The following CHIC1 variants were observed in gnomAD, a reference collection of about 807,000 sequenced individuals.
CHIC1 encodes cysteine-rich hydrophobic domain-containing protein 1.
Under a neutral mutation model 18.5 loss-of-function variants are expected in CHIC1, and 7 were observed. The observed-to-expected ratio is 0.38, with a 90% CI of 0.22 to 0.71. The LOEUF is 0.71. Among genes scored for constraint, CHIC1 ranks in the 30% least tolerant of loss-of-function variants. The pLI is 0.49. For missense variants in CHIC1, 159 were observed against 176.9 expected (o/e 0.90, Z 0.57); for synonymous variants, 77 against 73.5 (o/e 1.05, Z -0.25).
intron 3 of CHIC1, among the ~76,000 whole-genome samples, chrX:73,671,303 T>C (rs1464377902): frequency 1.8e-5 from 2 of 112,067 alleles, no homozygotes; most frequent in Non-Finnish European, 3.8e-5. Flanking sequence ...TTTGGAGTCT[T>C]TGAGCTTTCT....
At chrX:73,653,902 T>C (rs2057929992) in intron 3 of CHIC1, among the ~76,000 whole-genome samples, 1 of 112,696 alleles carries the variant, frequency 8.9e-6, no homozygotes, top group Non-Finnish European at 1.9e-5. Flanking sequence ...CATGTGTTGA[T>C]TTTGCATCCT....
At chrX:73,662,230 T>G (rs751252268) in intron 3 of CHIC1, among the ~76,000 whole-genome samples, 1 of 109,072 alleles carries the variant, frequency 9.2e-6, no homozygotes, top group Admixed American at 9.9e-5. Flanking sequence ...TTAAAGGAAT[T>G]CTGATGACAT....
At chrX:73,643,976 G>T (rs189604196) in intron 3 of CHIC1, among the ~76,000 whole-genome samples, 42 of 111,842 alleles carry the variant, frequency 3.8e-4, no homozygotes, top group African/African-American at 1.3e-3. Context: ...TTTCTGCTCT[G>T]TTTTTTCCCC....
At chrX:73,662,370 G>T (rs1411950061) in intron 3 of CHIC1, among the ~76,000 whole-genome samples, 1 of 106,539 alleles carries the variant, frequency 9.4e-6, no homozygotes, top group African/African-American at 3.4e-5. Context: ...AGAAAGCTCA[G>T]CCCTGGGGGC....
At chrX:73,597,841 A>G (rs1186771494) in intron 3 of CHIC1, among the ~76,000 whole-genome samples, 4 of 108,675 alleles carry the variant, frequency 3.7e-5, no homozygotes, top group African/African-American at 1.0e-4. Context: ...TCATTGTTCA[A>G]CTCCCATTTA....
intron 3 of CHIC1, among the ~76,000 whole-genome samples, chrX:73,628,725 G>A (rs1482266698): frequency 9.0e-6 from 1 of 111,123 alleles, no homozygotes; most frequent in Non-Finnish European, 1.9e-5. Flanking sequence ...GCCTCTTTCA[G>A]TGATATGAAG....
At chrX:73,667,272 C>T (rs372684103) in intron 3 of CHIC1, among the ~76,000 whole-genome samples, 29 of 112,046 alleles carry the variant, frequency 2.6e-4, no homozygotes, top group African/African-American at 9.1e-4. Context: ...CTTTTGAAGA[C>T]ACCATACCAA....
At chrX:73,568,683 C>T (rs1020406082) in intron 1 of CHIC1, among the ~76,000 whole-genome samples, 1 of 111,121 alleles carries the variant, frequency 9.0e-6, no homozygotes, top group Non-Finnish European at 1.9e-5. Context: ...TAGATGTTTA[C>T]CATTGATATT....
chrX:73,636,945 T>C (rs931194510), intron 3 of CHIC1, among the ~76,000 whole-genome samples: 2 of 111,753 alleles, frequency 1.8e-5, no homozygotes, highest in Non-Finnish European at 3.8e-5. Context: ...TACAATATAA[T>C]AATAATGATG....
chrX:73,632,914 G>A (rs1268858295), intron 3 of CHIC1, among the ~76,000 whole-genome samples: 1 of 106,709 alleles, frequency 9.4e-6, no homozygotes, highest in African/African-American at 3.4e-5. Context: ...GACTACAGGC[G>A]CCCACCACCA....
intron 1 of CHIC1, among the ~76,000 whole-genome samples, chrX:73,564,724 G>T (rs1467087790): frequency 9.4e-6 from 1 of 106,193 alleles, no homozygotes; most frequent in African/African-American, 3.5e-5. Context: ...TTTCAATTGA[G>T]TTCATGTTAC....
intron 3 of CHIC1, among the ~76,000 whole-genome samples, chrX:73,665,614 A>AGCAG (rs1285069759): frequency 9.0e-6 from 1 of 111,251 alleles, no homozygotes; most frequent in African/African-American, 3.3e-5. Context: ...GCAAACCCCA[A>AGCAG]GCAGGCACCA....
At chrX:73,615,063 G>A (rs984817274) in intron 3 of CHIC1, among the ~76,000 whole-genome samples, 1 of 111,333 alleles carries the variant, frequency 9.0e-6, no homozygotes, top group Non-Finnish European at 1.9e-5. Context: ...TTTTTATGGT[G>A]TTGGTTGGGT....
chrX:73,571,288 G>A (rs2057469679), intron 1 of CHIC1, among the ~76,000 whole-genome samples: 1 of 110,592 alleles, frequency 9.0e-6, no homozygotes, highest in Admixed American at 9.6e-5. Context: ...TAGACAAGAT[G>A]TGGAAATAGA....
Position 73,563,563 on chromosome X carries a change from T to A in CHIC1, c.279T>A (p.Gly93=). ...CTCCCGACCCTGTATTAGTGCGGGG[T>A]GCCGGCCACATCACTGTGTAAGCGA... ...RYAPDPVLVR[G]AGHITVFGLS... The change falls in exon 1 of 6, where the codon GGT becomes GGA. Residue 93 remains glycine, a synonymous_variant. Coordinates refer to ENST00000373502, the MANE Select transcript of CHIC1 (RefSeq NM_001039840.4). 9.1e-7 allele frequency: 1 copy of A among 1,103,909 alleles called. No individual in the cohort carries two copies. Among genetic ancestry groups the A allele is most frequent in the South Asian group, 2.5e-5 (1 of 40,359 alleles). 91.0% of individuals were successfully genotyped at this position (1,103,909 alleles called of 1,213,427 possible).
intron 3 of CHIC1, among the ~76,000 whole-genome samples, chrX:73,640,152 G>C (rs1359490796): frequency 9.0e-6 from 1 of 111,274 alleles, no homozygotes; most frequent in Non-Finnish European, 1.9e-5. Flanking sequence ...ATTCGGTATG[G>C]TGTTGGCTGT....
intron 3 of CHIC1, among the ~76,000 whole-genome samples, chrX:73,672,524 G>A (rs994110020): frequency 8.9e-6 from 1 of 112,515 alleles, no homozygotes; most frequent in South Asian, 3.7e-4. Context: ...GGCCAGTGAT[G>A]ATGAGCATTT....
At chrX:73,620,282 C>G (rs1037451791) in intron 3 of CHIC1, among the ~76,000 whole-genome samples, 2 of 112,167 alleles carry the variant, frequency 1.8e-5, no homozygotes, top group African/African-American at 6.5e-5. Flanking sequence ...AATCACCACA[C>G]TGTCTTCCAC....
intron 3 of CHIC1, among the ~76,000 whole-genome samples, chrX:73,637,815 C>G (rs2057838048): frequency 9.0e-6 from 1 of 111,245 alleles, no homozygotes; most frequent in African/African-American, 3.3e-5. Context: ...TAAGAAAGCT[C>G]TTTTAAAGTC....
Sources: allele counts gnomAD v4.1 joint callset (sites outside exome capture counted in the v4.1 genomes callset), GRCh38; gene constraint gnomAD v4.1.1; transcripts MANE v1.5; gene names NCBI Gene and HGNC (gene_info 2026-07-23, HGNC 2026-07-21).